The following TEX2 variants were observed in gnomAD, a reference collection of about 807,000 sequenced individuals.
The protein encoded by TEX2 is testis-expressed protein 2.
Under a neutral mutation model 106.9 loss-of-function variants are expected in TEX2, and 53 were observed. The ratio of observed to expected loss-of-function variants is 0.50; its 90% CI spans 0.40 to 0.62. The LOEUF is 0.62. Among genes scored for constraint, TEX2 ranks in the 20% least tolerant of loss-of-function variants. The pLI, the probability that TEX2 is intolerant of heterozygous loss-of-function variation, is 0.00. For synonymous variants in TEX2, 523 were observed against 534.8 expected (o/e 0.98, Z 0.30); for missense variants, 1,207 against 1,379.0 (o/e 0.88, Z 1.98).
At chr17:64,190,945 T>C (rs1251418187) in intron 4 of TEX2, among the ~76,000 whole-genome samples, 40 of 152,234 alleles carry the variant, frequency 2.6e-4, no homozygotes, top group Admixed American at 6.5e-5. Flanking sequence ...TTCTTGGTAC[T>C]GATAGATGTA....
At chr17:64,208,160 T>C (rs2032893202) in intron 2 of TEX2, among the ~76,000 whole-genome samples, 1 of 152,232 alleles carries the variant, frequency 6.6e-6, no homozygotes, top group Admixed American at 6.5e-5. Context: ...TCAAATCCTG[T>C]TAAAGATGGA....
chr17:64,166,283 G>A (rs940939974), intron 7 of TEX2, among the ~76,000 whole-genome samples: 40 of 152,232 alleles, frequency 2.6e-4, no homozygotes, highest in African/African-American at 8.7e-4. Flanking sequence ...ACACCCAAAC[G>A]AGGCGGGCAG....
rs1383818798 is a variant in TEX2 at position 64,171,159 on chromosome 17, T to C, written c.2612A>G (p.Asp871Gly). The C allele has an allele frequency of 6.2e-7, 1 of 1,614,060 alleles. No individual in the cohort carries two copies. The change falls in exon 7 of 12, where the codon GAC becomes GGC. Residue 871 changes from aspartate (D) to glycine (G), a missense_variant. This residue lies in a region of TEX2 where 1,067 missense variants were observed against 1,193.6 expected (regional missense o/e 0.89). Transcript: ENST00000584379. ...FMNELTLTEL[D>G]MGVAVPKILQ... ...GATTTTTGGCACAGCCACGCCCATG[T>C]CAAGTTCCGTCAGAGTGAGCTCATT...
At chr17:64,189,984 CAAAA>C (rs749574684) in intron 4 of TEX2, among the ~76,000 whole-genome samples, 53 of 109,834 alleles carry the variant, frequency 4.8e-4, no homozygotes, top group Non-Finnish European at 7.8e-4. Context: ...GACTCTGTCT[CAAAA>C]AAAAAAAAAA....
At chr17:64,164,109 C>G (rs1370153949) in intron 7 of TEX2, among the ~76,000 whole-genome samples, 1 of 152,050 alleles carries the variant, frequency 6.6e-6, no homozygotes, top group African/African-American at 2.4e-5. Flanking sequence ...CCAGTGGTAA[C>G]CAGTGGCACC....
intron 2 of TEX2, among the ~76,000 whole-genome samples, chr17:64,208,634 A>AT (rs2032911971): frequency 6.7e-6 from 1 of 149,346 alleles, no homozygotes; most frequent in East Asian, 2.0e-4. Context: ...GATTTATTTT[A>AT]TTTTTTTAGA....
chr17:64,176,708 G>C (rs117476591), intron 6 of TEX2, among the ~76,000 whole-genome samples: 3,113 of 152,288 alleles, frequency 0.02, 51 homozygotes, highest in South Asian at 0.098. Context: ...CTTCAGGAGA[G>C]AGCCCAAAAT....
At chr17:64,168,389 AG>A (rs1422288891) in intron 7 of TEX2, among the ~76,000 whole-genome samples, 1 of 152,194 alleles carries the variant, frequency 6.6e-6, no homozygotes, top group Non-Finnish European at 1.5e-5. Context: ...TTACACAAGC[AG>A]GCAAGTCTCT....
At chr17:64,204,731 C>G (rs1041991392) in intron 2 of TEX2, among the ~76,000 whole-genome samples, 1 of 152,156 alleles carries the variant, frequency 6.6e-6, no homozygotes, top group African/African-American at 2.4e-5. Flanking sequence ...CTCTTCTTAA[C>G]GGCTAATTAT....
At chr17:64,216,988 A>G (rs2033206320) in intron 1 of TEX2, among the ~76,000 whole-genome samples, 1 of 152,162 alleles carries the variant, frequency 6.6e-6, no homozygotes, top group South Asian at 2.1e-4. Context: ...CACACTAACC[A>G]AAGCCTGGTT....
At chr17:64,224,892 T>A (rs1262880595) in intron 1 of TEX2, among the ~76,000 whole-genome samples, 1 of 140,868 alleles carries the variant, frequency 7.1e-6, no homozygotes, top group African/African-American at 2.5e-5. Context: ...AGGTCATGCG[T>A]TCAGCACAAC....
At chr17:64,156,860 G>T (rs1305531400) in intron 8 of TEX2, among the ~76,000 whole-genome samples, 1 of 152,230 alleles carries the variant, frequency 6.6e-6, no homozygotes, top group Non-Finnish European at 1.5e-5. Context: ...TCCCCACTGG[G>T]CCATATCATC....
intron 4 of TEX2, among the ~76,000 whole-genome samples, chr17:64,188,866 C>T (rs1027232376): frequency 4.6e-5 from 7 of 151,636 alleles, no homozygotes. Context: ...TGAAAAGTAC[C>T]TTTTTCTCTA....
intron 6 of TEX2, 101 bp downstream of exon 6, chr17:64,177,224 C>A: frequency 7.0e-7 from 1 of 1,424,108 alleles, no homozygotes; most frequent in South Asian, 1.2e-5. Context: ...ATATGTTATA[C>A]GTTTAAACCA....
At chr17:64,197,006 T>TTG (rs2032495594) in intron 2 of TEX2, among the ~76,000 whole-genome samples, 3 of 147,482 alleles carry the variant, frequency 2.0e-5, no homozygotes, top group African/African-American at 5.1e-5. Context: ...TTTTTTTTTT[T>TTG]GGAGAGCCAG....
At position 64,166,423 on chromosome 17, in the gene TEX2, T is replaced by G. The variant is rs999427923; in HGVS notation, c.2671+4677A>C. 7.9e-5 allele frequency among the ~76,000 whole-genome samples: 12 copies of G among 152,322 alleles called. No homozygotes were observed. In the South Asian group the frequency reaches 2.5e-3, roughly 32 times the overall value. On this transcript the variant is annotated intron_variant, in intron 7 of 11. Coordinates refer to ENST00000584379, the MANE Select transcript of TEX2 (RefSeq NM_001288732.2). The stretch of plus-strand genomic sequence containing the variant: ...GGTGACCTGGCTGTAGAGCCAGTGC[T>G]CATGGGCAGCCTCTGATGGGGCCTA...
chr17:64,242,540 C>T (rs1299827583), intron 1 of TEX2, among the ~76,000 whole-genome samples: 2 of 151,966 alleles, frequency 1.3e-5, no homozygotes, highest in Non-Finnish European at 2.9e-5. Context: ...TGTGATCTAC[C>T]AGGGGTTTGG....
At chr17:64,152,365 C>T (rs1440072111) in intron 10 of TEX2, among the ~76,000 whole-genome samples, 1 of 152,168 alleles carries the variant, frequency 6.6e-6, no homozygotes, top group African/African-American at 2.4e-5. Flanking sequence ...ATATTTTTAG[C>T]AAGTCCCCAG....
chr17:64,174,860 C>G (rs2031557135), intron 6 of TEX2, among the ~76,000 whole-genome samples: 1 of 152,220 alleles, frequency 6.6e-6, no homozygotes, highest in Admixed American at 6.5e-5. Flanking sequence ...AAACCCATCA[C>G]TGGGCACCAG....
Sources: allele counts gnomAD v4.1 joint callset (sites outside exome capture counted in the v4.1 genomes callset), GRCh38; gene constraint gnomAD v4.1.1; regional missense constraint gnomAD v4.1.1; transcripts MANE v1.5; gene names NCBI Gene and HGNC (gene_info 2026-07-23, HGNC 2026-07-21).